Variants in GAPVD1 observed in about 807,000 individuals in gnomAD.
GAPVD1 encodes GTPase activating protein and VPS9 domains 1.
GAPVD1 carries 35 observed loss-of-function variants against 155.5 expected under a neutral mutation model. The ratio of observed to expected loss-of-function variants is 0.23; its 90% confidence interval spans 0.17 to 0.30. The LOEUF is 0.30. Ranked by LOEUF, GAPVD1 falls within the 10% of genes least tolerant of loss-of-function variation. GAPVD1 has a pLI of 1.00. For synonymous variants in GAPVD1, 636 were observed against 619.7 expected, an observed-to-expected ratio of 1.03 and a Z score of -0.39; for missense variants, 1,429 against 1,775.7, an observed-to-expected ratio of 0.80 and a Z score of 3.51.
intron 1 of GAPVD1, among the ~76,000 whole-genome samples, chr9:125,263,040 G>T (rs2131545734): frequency 6.6e-6 from 1 of 152,282 alleles, no homozygotes; most frequent in East Asian, 1.9e-4. Context: ...CATATATTAT[G>T]ACCATATTAG....
chr9:125,283,928 A>G (rs949637449), intron 2 of GAPVD1, among the ~76,000 whole-genome samples: 1 of 151,544 alleles, frequency 6.6e-6, no homozygotes, highest in Non-Finnish European at 1.5e-5. Context: ...GCTGGAGTGC[A>G]GTGGCATGAT....
At position 125,349,427 on chromosome 9, in the gene GAPVD1, C is replaced by T. The variant is rs1415474925; in HGVS notation, c.3207C>T (p.Pro1069=). Residue 1069 remains proline, a synonymous_variant, in exon 21 of 28, where the codon CCC becomes CCT. Coordinates refer to ENST00000297933, the MANE Select transcript of GAPVD1 (RefSeq NM_001282680.3). ...MGDGESAHDS[P]RDEALQNISA... is the part of the protein sequence containing the mutation. ...ATGGTGAAAGTGCACATGATTCTCCCCGTGACGAAGCACTGCAGAACATCT... is the reference window on the plus strand; with the variant it reads ...ATGGTGAAAGTGCACATGATTCTCCTCGTGACGAAGCACTGCAGAACATCT... The T allele has an allele frequency of 3.7e-6, 6 of 1,613,702 alleles. No individual in the cohort carries two copies. Among genetic ancestry groups the T allele is most frequent in the Non-Finnish European group, 5.1e-6 (6 of 1,179,686 alleles).
At chr9:125,310,619 A>G (rs1355623580) in intron 8 of GAPVD1, among the ~76,000 whole-genome samples, 1 of 146,856 alleles carries the variant, frequency 6.8e-6, no homozygotes, top group Non-Finnish European at 1.5e-5. Context: ...GGCTCACCGC[A>G]ACCTCTGCCT....
intron 2 of GAPVD1, among the ~76,000 whole-genome samples, chr9:125,294,829 G>T (rs1047275837): frequency 3.3e-5 from 5 of 151,864 alleles, no homozygotes; most frequent in African/African-American, 7.3e-5. Flanking sequence ...TGGTATTTGG[G>T]TGTAAACTCA....
chr9:125,314,789 C>CT (rs35084399), intron 9 of GAPVD1, among the ~76,000 whole-genome samples: 2,301 of 140,798 alleles, frequency 0.016, 63 homozygotes, highest in African/African-American at 0.053. Context: ...GTAGCAGCTT[C>CT]TTTTTTTTTT....
chr9:125,312,349 T>C, intron 8 of GAPVD1, 103 bp from the exon 9 acceptor site: 1 of 705,262 alleles, frequency 1.4e-6, no homozygotes, highest in East Asian at 3.1e-5. Flanking sequence ...CTCTTGTGCA[T>C]GTGCAAATGT....
intron 11 of GAPVD1, among the ~76,000 whole-genome samples, chr9:125,325,364 T>C (rs1168570669): frequency 1.3e-5 from 2 of 149,664 alleles, no homozygotes; most frequent in Non-Finnish European, 3.0e-5. Flanking sequence ...CTACTAAAAA[T>C]ACAAAAAATT....
At chr9:125,279,094 C>A (rs535431305) in intron 2 of GAPVD1, among the ~76,000 whole-genome samples, 1 of 151,216 alleles carries the variant, frequency 6.6e-6, no homozygotes. Context: ...TGCCTGTAAT[C>A]CCAGCTACTC....
At position 125,355,865 on chromosome 9, in the gene GAPVD1, C is replaced by A; in HGVS notation, c.3971+8C>A. 6.7e-7 allele frequency: 1 copy of A among 1,503,518 alleles called. No homozygotes were observed. The highest frequency in any genetic ancestry group is 9.3e-7 in the Non-Finnish European group (1 of 1,078,886). 93.1% of individuals were successfully genotyped at this position (1,503,518 alleles called of 1,614,324 possible). Reference sequence around the variant, plus strand: ...GGACATACTTCGCGACCAGTAAGTACTTCTATGTTGAGTGCCTATGTGGAA... The same window carrying A: ...GGACATACTTCGCGACCAGTAAGTAATTCTATGTTGAGTGCCTATGTGGAA... On this transcript the variant is annotated splice_region_variant and intron_variant, in intron 25 of 27. Coordinates refer to ENST00000297933, the MANE Select transcript of GAPVD1 (RefSeq NM_001282680.3).
Position 125,337,515 on chromosome 9 carries a change from C to A in GAPVD1, c.2801C>A (p.Ala934Asp), listed in dbSNP as rs776749375. 5 of 1,614,100 alleles carry A rather than the reference C, an allele frequency of 3.1e-6. No homozygotes were observed. Among genetic ancestry groups the A allele is most frequent in the Non-Finnish European group, 4.2e-6 (5 of 1,179,940 alleles). ...GAGCGAGAACTCCCTCCAGCTGCAGCCATTGGTGCTACTTCTTTGGTGGCT... is the reference window on the plus strand; with the variant it reads ...GAGCGAGAACTCCCTCCAGCTGCAGACATTGGTGCTACTTCTTTGGTGGCT... ...NEERELPPAA[A>D]IGATSLVAAP... is the part of the protein sequence containing the mutation. The change falls in exon 17 of 28, where the codon GCC becomes GAC. Residue 934 changes from alanine (A) to aspartate (D), a missense_variant. Around this residue, in one of 4 missense-constraint regions of GAPVD1, gnomAD observed 699 missense variants for 826.0 expected, o/e 0.85. Coordinates refer to ENST00000297933, the MANE Select transcript of GAPVD1 (RefSeq NM_001282680.3).
At chr9:125,345,329 C>T (rs183220268) in intron 19 of GAPVD1, among the ~76,000 whole-genome samples, 2 of 152,092 alleles carry the variant, frequency 1.3e-5, no homozygotes, top group African/African-American at 2.4e-5. Flanking sequence ...TATAGGCATG[C>T]GCCACCATGT....
intron 3 of GAPVD1, among the ~76,000 whole-genome samples, chr9:125,296,358 G>GTCTTTTTTTTTTTTTTT (rs1839858030): frequency 8.2e-6 from 1 of 121,758 alleles, no homozygotes; most frequent in African/African-American, 3.6e-5. Context: ...TAGTTCTTAG[G>GTCTTTTTTTTTTTTTTT]TTTTTTTTTT....
intron 4 of GAPVD1, among the ~76,000 whole-genome samples, chr9:125,301,454 C>CTT (rs954673019): frequency 6.8e-6 from 1 of 146,684 alleles, no homozygotes; most frequent in Non-Finnish European, 1.5e-5. Flanking sequence ...TTCTTTCTTT[C>CTT]TTTTTTTTTT....
At position 125,300,038 on chromosome 9, in the gene GAPVD1, AATATATATATATATATATAT is replaced by A. The variant is rs1161744056; in HGVS notation, c.185+969_185+988del. 8.7e-5 allele frequency among the ~76,000 whole-genome samples: 2 copies of A among 22,918 alleles called. 1 individual carries two copies. Among genetic ancestry groups the A allele is most frequent in the African/African-American group, 4.0e-4 (2 of 4,976 alleles). The allele number at this position is 22,918 out of a possible 152,430, so 15.0% of individuals were successfully genotyped here. ...TGTCTCAAAAGAAAAAAAAAAAAAA[AATATATATATATATATATAT>A]ATATATATATATATATATATATATA... is the stretch of plus-strand genomic sequence containing the variant. On this transcript the variant is annotated intron_variant, in intron 4 of 27. Transcript: ENST00000297933.
chr9:125,316,011 G>A (rs908216087), intron 9 of GAPVD1, among the ~76,000 whole-genome samples: 4 of 152,090 alleles, frequency 2.6e-5, no homozygotes, highest in African/African-American at 4.8e-5. Flanking sequence ...GTTATTCCAG[G>A]TGTTAAATCT....
At chr9:125,284,248 G>A (rs574234774) in intron 2 of GAPVD1, among the ~76,000 whole-genome samples, 5 of 146,740 alleles carry the variant, frequency 3.4e-5, no homozygotes, top group African/African-American at 1.3e-4. Flanking sequence ...GCAGTGGTGC[G>A]ATCTCAGCTT....
chr9:125,293,886 A>ATTATATATATAATATATATAT (rs1479202971), intron 2 of GAPVD1, among the ~76,000 whole-genome samples: 1 of 98,250 alleles, frequency 1.0e-5, no homozygotes, highest in East Asian at 3.8e-4. Context: ...ATATATATAT[A>ATTATATATATAATATATATAT]TATATATATA....
chr9:125,303,700 C>T (rs552895343), intron 5 of GAPVD1, among the ~76,000 whole-genome samples: 31 of 149,320 alleles, frequency 2.1e-4, no homozygotes, highest in Admixed American at 3.4e-4. Flanking sequence ...TGCTTGAACC[C>T]GGGAGACAGA....
At chr9:125,325,428 A>G (rs1463707607) in intron 11 of GAPVD1, among the ~76,000 whole-genome samples, 1 of 148,222 alleles carries the variant, frequency 6.7e-6, no homozygotes, top group Non-Finnish European at 1.5e-5. Flanking sequence ...AGGCTGAGGC[A>G]GGAGAATGGC....
Sources: allele counts gnomAD v4.1 joint callset (sites outside exome capture counted in the v4.1 genomes callset), GRCh38; gene constraint gnomAD v4.1.1; regional missense constraint gnomAD v4.1.1; transcripts MANE v1.5; gene names NCBI Gene and HGNC (gene_info 2026-07-23, HGNC 2026-07-21).